Variants in USP47 observed in about 807,000 individuals in gnomAD.
USP47 encodes ubiquitin specific peptidase 47, also known as ubiquitin carboxyl-terminal hydrolase 47.
A neutral mutation model predicts 165.1 loss-of-function variants in USP47; 35 were observed. That is an observed-to-expected ratio of 0.21 (90% CI 0.16 to 0.28). The LOEUF (loss-of-function observed/expected upper bound fraction) is 0.28, where lower values mean the gene tolerates loss of function less well. Ranked by LOEUF, USP47 falls within the 10% of genes least tolerant of loss-of-function variation. The pLI is 1.00. For missense variants in USP47, 1,277 were observed against 1,607.4 expected, an observed-to-expected ratio of 0.79 and a Z score of 3.52; for synonymous variants, 531 against 544.5, an observed-to-expected ratio of 0.98 and a Z score of 0.35.
intron 19 of USP47, 144 bp downstream of exon 19, chr11:11,940,692 C>T: frequency 3.3e-6 from 3 of 899,772 alleles, no homozygotes; most frequent in Non-Finnish European, 4.9e-6. Flanking sequence ...AATTACCTTC[C>T]TTTGTAGTCA....
At chr11:11,894,082 A>G (rs1851704679) in intron 4 of USP47, among the ~76,000 whole-genome samples, 1 of 152,184 alleles carries the variant, frequency 6.6e-6, no homozygotes, top group African/African-American at 2.4e-5. Context: ...AGGTAATTAA[A>G]CTGTTTCCCA....
At position 11,949,934 on chromosome 11, in the gene USP47, G is replaced by A. The variant is rs372126731; in HGVS notation, c.3394G>A (p.Val1132Ile). Residue 1132 changes from valine to isoleucine, a missense_variant, in exon 23 of 28, where the codon GTA becomes ATA. By Grantham distance (29) the Val-to-Ile change is conservative (BLOSUM62 3). Transcript: ENST00000527733. ...LDAVFAKGMT[V>I]RQSKEELIPQ... Reference sequence around the variant, plus strand: ...TGCTGTGTTTGCTAAAGGAATGACTGTACGGCAATCAAAAGAGGAATTAAT... The same window carrying A: ...TGCTGTGTTTGCTAAAGGAATGACTATACGGCAATCAAAAGAGGAATTAAT... The A allele has an allele frequency of 1.5e-5, 24 of 1,612,832 alleles. No individual in the cohort carries two copies. Among genetic ancestry groups the A allele is most frequent in the Non-Finnish European group, 1.8e-5 (21 of 1,179,316 alleles).
chr11:11,914,011 T>A (rs1853221955), intron 8 of USP47, among the ~76,000 whole-genome samples: 1 of 152,088 alleles, frequency 6.6e-6, no homozygotes, highest in Admixed American at 6.6e-5. Flanking sequence ...TCCAGCAAGA[T>A]TTTTTGAGGA....
At chr11:11,904,157 T>C (rs1332959686) in intron 7 of USP47, among the ~76,000 whole-genome samples, 3 of 152,192 alleles carry the variant, frequency 2.0e-5, no homozygotes, top group African/African-American at 7.2e-5. Flanking sequence ...GTTACAGTTA[T>C]ATGCACTGGG....
chr11:11,848,627 T>G lies in USP47; in HGVS notation c.39+6403T>G, dbSNP rs1057413217. Among the ~76,000 whole-genome samples, 19 of 120,852 alleles carry G rather than the reference T, an allele frequency of 1.6e-4. No individual in the cohort carries two copies. In the East Asian group the frequency reaches 3.1e-3, roughly 20 times the overall value. The allele number at this position is 120,852 out of a possible 152,430, so 79.3% of individuals were successfully genotyped here. A position where few individuals can be genotyped will look rare whatever the true frequency, so the allele number is the denominator to read the frequency against. ...CTGGCATTTTTTTTTTTTTTTTTTT[T>G]GAGACGGAGTCTCACTCTGTCACCC... On this transcript the variant is annotated intron_variant, in intron 1 of 27. Transcript: ENST00000527733.
rs1847305373 is a variant in USP47, at chr11:11,958,420, T to G, written c.*2245T>G. Reference sequence around the variant, plus strand: ...AACACAAAGTTGCACTTTAATAATTTCAATAAAAGCTAATCTGTGTCAGCC... The same window carrying G: ...AACACAAAGTTGCACTTTAATAATTGCAATAAAAGCTAATCTGTGTCAGCC... On this transcript the variant is annotated 3_prime_UTR_variant, in exon 28 of 28. Transcript: ENST00000527733. 1 of 152,236 alleles carries G rather than the reference T, an allele frequency of 6.6e-6. No homozygotes were observed. The highest frequency in any genetic ancestry group is 1.5e-5 in the Non-Finnish European group (1 of 68,040). The allele number at this position is 152,236 out of a possible 1,614,324, so 9.4% of individuals were successfully genotyped here.
chr11:11,950,524 C>CTCTAGAACTAATAGAAGCCTATAGTT, intron 24 of USP47, 42 bp downstream of exon 24: 1 of 1,275,088 alleles, frequency 7.8e-7, no homozygotes, highest in East Asian at 2.3e-5. Flanking sequence ...GTTAGAAATA[C>CTCTAGAACTAATAGAAGCCTATAGTT]TCTAGAACTA....
Position 11,920,236 on chromosome 11 carries a change from G to A in USP47, c.1050G>A (p.Lys350=). Reference sequence around the variant, plus strand: ...ATTTTTGTGAACGTTGTAAGAAGAAGTGTGATGCACGGAAGGTAAATGCCA... The same window carrying A: ...ATTTTTGTGAACGTTGTAAGAAGAAATGTGATGCACGGAAGGTAAATGCCA... The part of the protein sequence containing the change: ...NQYFCERCKK[K]CDARKGLRFL... The change falls in exon 9 of 28, where the codon AAG becomes AAA. Residue 350 remains lysine, a synonymous_variant. Transcript: ENST00000527733. 1.2e-6 allele frequency: 2 copies of A among 1,609,798 alleles called. No homozygotes were observed. The highest frequency in any genetic ancestry group is 4.5e-5 in the East Asian group (2 of 44,634).
chr11:11,950,250 A>G lies in USP47; in HGVS notation c.3465-114A>G, dbSNP rs988081486. ...TTTCCCCAGATTTTAACAACTCATTATTTGACTTTTGTATTTGAACATAGT... is the reference window on the plus strand; with the variant it reads ...TTTCCCCAGATTTTAACAACTCATTGTTTGACTTTTGTATTTGAACATAGT... On this transcript the variant is annotated intron_variant, in intron 23 of 27. Coordinates refer to ENST00000527733, the MANE Select transcript of USP47 (RefSeq NM_001282659.2). 3 of 769,610 alleles carry G rather than the reference A, an allele frequency of 3.9e-6. No individual in the cohort carries two copies. The African/African-American group carries it at 5.4e-5, about 14-fold the overall frequency. The allele number at this position is 769,610 out of a possible 1,614,324, so 47.7% of individuals were successfully genotyped here. A position where few individuals can be genotyped will look rare whatever the true frequency, so the allele number is the denominator to read the frequency against.
rs1590483590 is a variant in USP47, at chr11:11,959,207, A to C, written c.*3032A>C. 3 of 152,212 alleles carry C rather than the reference A, an allele frequency of 2.0e-5. No individual in the cohort carries two copies. The Middle Eastern group carries it at 0.01, about 518-fold the overall frequency. The allele number at this position is 152,212 out of a possible 1,614,324, so 9.4% of individuals were successfully genotyped here. A position where few individuals can be genotyped will look rare whatever the true frequency, so the allele number is the denominator to read the frequency against. ...TACTGTAGTTCTTCCTCTGGATTTT[A>C]TTTTGTTCAGCGTCAAGGCCCTAAT... On this transcript the variant is annotated 3_prime_UTR_variant, in exon 28 of 28. Transcript: ENST00000527733.
chr11:11,876,369 C>T (rs1425412976), intron 1 of USP47, among the ~76,000 whole-genome samples: 1 of 152,192 alleles, frequency 6.6e-6, no homozygotes, highest in Non-Finnish European at 1.5e-5. Flanking sequence ...CTTTCCCTCC[C>T]TACCAACAGC....
At chr11:11,935,594 GTCCTTCTTGAAAC>G (rs1341479056) in intron 16 of USP47, among the ~76,000 whole-genome samples, 1 of 151,930 alleles carries the variant, frequency 6.6e-6, no homozygotes, top group Non-Finnish European at 1.5e-5. Flanking sequence ...AGGCTTACAA[GTCCTTCTTGAAAC>G]TCATAATCAC....
At position 11,952,843 on chromosome 11, in the gene USP47, G is replaced by A; in HGVS notation, c.3686G>A (p.Ser1229Asn). Residue 1229 changes from serine (S) to asparagine (N), a missense_variant, in exon 25 of 28, where the codon AGC becomes AAC. Transcript: ENST00000527733. The stretch of plus-strand genomic sequence containing the variant: ...CCCTTCCAGGAGGTTGTATTGGAAA[G>A]CAGTAGTGTGGACGAATTGCGAGAG... ...LDPFQEVVLE[S>N]SSVDELREKL... is the part of the protein sequence containing the mutation. 2 of 1,610,240 alleles carry A rather than the reference G, an allele frequency of 1.2e-6. No homozygotes were observed. Among genetic ancestry groups the A allele is most frequent in the East Asian group, 4.5e-5 (2 of 44,588 alleles).
intron 11 of USP47, among the ~76,000 whole-genome samples, chr11:11,926,726 T>C (rs1259753432): frequency 6.6e-6 from 1 of 151,800 alleles, no homozygotes; most frequent in Non-Finnish European, 1.5e-5. Context: ...CTTCCTCTTT[T>C]TTTACATCCC....
At position 11,886,982 on chromosome 11, in the gene USP47, A is replaced by G. The variant is rs916270186; in HGVS notation, c.357+2402A>G. 2.6e-5 allele frequency among the ~76,000 whole-genome samples: 4 copies of G among 152,162 alleles called. No individual in the cohort carries two copies. The East Asian group carries it at 7.7e-4, about 29-fold the overall frequency. On this transcript the variant is annotated intron_variant, in intron 3 of 27. Coordinates refer to ENST00000527733, the MANE Select transcript of USP47 (RefSeq NM_001282659.2). ...CCAAAATTTCATATCTGGCCAAACT[A>G]AGTTTCATGAGCAAAGGAAAAATAT...
intron 1 of USP47, among the ~76,000 whole-genome samples, chr11:11,854,430 T>G (rs1848911937): frequency 6.8e-6 from 1 of 146,970 alleles, no homozygotes; most frequent in African/African-American, 2.4e-5. Context: ...TAATTCTAAG[T>G]ACCTCCTAGC....
At chr11:11,912,270 CA>C (rs1471092002) in intron 8 of USP47, among the ~76,000 whole-genome samples, 2 of 151,612 alleles carry the variant, frequency 1.3e-5, no homozygotes, top group East Asian at 3.9e-4. Context: ...AGGAAGTCAA[CA>C]AAACAAAGGG....
intron 1 of USP47, among the ~76,000 whole-genome samples, chr11:11,871,501 C>CAAAAAAAAAAAAAAAAAA (rs71037046): frequency 1.1e-4 from 7 of 63,098 alleles, no homozygotes; most frequent in Non-Finnish European, 2.4e-4. Flanking sequence ...AACTCCCTCT[C>CAAAAAAAAAAAAAAAAAA]AAAAAAAAAA....
intron 1 of USP47, among the ~76,000 whole-genome samples, chr11:11,852,214 A>G (rs917219536): frequency 6.6e-6 from 1 of 152,146 alleles, no homozygotes; most frequent in African/African-American, 2.4e-5. Context: ...CTGTGGCTTA[A>G]TAATAGTGAT....
Sources: gnomAD v4.1 joint callset for allele counts (sites outside exome capture counted in the v4.1 genomes callset) on GRCh38, gnomAD v4.1.1 for gene constraint, MANE v1.5 for transcripts, NCBI Gene and HGNC (gene_info 2026-07-23, HGNC 2026-07-21) for gene names.